The following NRG3 variants were observed in gnomAD, a reference collection of about 807,000 sequenced individuals.
NRG3 encodes pro-neuregulin-3, membrane-bound isoform.
A neutral mutation model predicts 66.9 loss-of-function variants in NRG3; 31 were observed. That is an observed-to-expected ratio of 0.46 (90% CI 0.35 to 0.63). The LOEUF is 0.63. NRG3 is among the 20% of genes least tolerant of loss of function. NRG3 has a pLI of 0.00. For missense variants in NRG3, 910 were observed against 878.9 expected, an observed-to-expected ratio of 1.04 and a Z score of -0.45; for synonymous variants, 393 against 359.4, an observed-to-expected ratio of 1.09 and a Z score of -1.06.
chr10:82,922,712 G>A (rs141512142), intron 4 of NRG3, among the ~76,000 whole-genome samples: 7 of 152,244 alleles, frequency 4.6e-5, no homozygotes, highest in East Asian at 1.9e-4. Flanking sequence ...GACCCTGAAA[G>A]GTCTCCATAG....
At chr10:82,240,383 T>A (rs1370904537) in intron 1 of NRG3, among the ~76,000 whole-genome samples, 4 of 151,318 alleles carry the variant, frequency 2.6e-5, no homozygotes, top group Non-Finnish European at 5.9e-5. Context: ...ACATATAAAA[T>A]GCATGTTTTA....
At chr10:82,626,044 TC>T (rs758047361) in intron 2 of NRG3, among the ~76,000 whole-genome samples, 5 of 152,056 alleles carry the variant, frequency 3.3e-5, no homozygotes, top group Non-Finnish European at 7.4e-5. Flanking sequence ...TAGAGCTGAG[TC>T]TGTGATGATT....
At chr10:82,081,202 A>C (rs2065370879) in intron 1 of NRG3, among the ~76,000 whole-genome samples, 1 of 152,188 alleles carries the variant, frequency 6.6e-6, no homozygotes. Context: ...GGCTTCTGTA[A>C]ATATGAACTC....
intron 4 of NRG3, among the ~76,000 whole-genome samples, chr10:82,891,895 T>C (rs1235669800): frequency 6.6e-6 from 1 of 152,140 alleles, no homozygotes; most frequent in Non-Finnish European, 1.5e-5. Context: ...ATTATGATTT[T>C]GCTTAAGGCT....
chr10:82,423,641 T>A (rs1272547722), intron 2 of NRG3, among the ~76,000 whole-genome samples: 4 of 152,028 alleles, frequency 2.6e-5, no homozygotes, highest in Non-Finnish European at 5.9e-5. Context: ...GTCTATTTTT[T>A]AAAGAGCTTT....
intron 2 of NRG3, among the ~76,000 whole-genome samples, chr10:82,405,104 G>T (rs892770743): frequency 2.0e-5 from 3 of 152,120 alleles, no homozygotes; most frequent in Non-Finnish European, 4.4e-5. Context: ...GATGGTGTGT[G>T]GTTGAGGACA....
intron 3 of NRG3, among the ~76,000 whole-genome samples, chr10:82,764,731 T>C: frequency 6.6e-6 from 1 of 152,124 alleles, no homozygotes; most frequent in East Asian, 1.9e-4. Flanking sequence ...TTTCTTTTTG[T>C]AAAAGCAGTG....
chr10:82,545,881 G>A (rs1404867979), intron 2 of NRG3, among the ~76,000 whole-genome samples: 2 of 145,376 alleles, frequency 1.4e-5, no homozygotes, highest in Non-Finnish European at 3.0e-5. Flanking sequence ...TCCTCCTCCC[G>A]GGTTCACGCC....
intron 2 of NRG3, among the ~76,000 whole-genome samples, chr10:82,478,144 C>G (rs2132118208): frequency 6.6e-6 from 1 of 151,768 alleles, no homozygotes; most frequent in African/African-American, 2.4e-5. Flanking sequence ...ACAAGAACCT[C>G]TGTTAACTGG....
At chr10:82,756,667 T>C (rs1358784786) in intron 3 of NRG3, among the ~76,000 whole-genome samples, 3 of 152,098 alleles carry the variant, frequency 2.0e-5, no homozygotes, top group Non-Finnish European at 4.4e-5. Flanking sequence ...TACTACTTAA[T>C]TTAAAAGTGG....
intron 3 of NRG3, among the ~76,000 whole-genome samples, chr10:82,742,189 C>A (rs1016233336): frequency 6.6e-6 from 1 of 152,064 alleles, no homozygotes; most frequent in African/African-American, 2.4e-5. Flanking sequence ...GAAACCGCTG[C>A]TCTTTTATTC....
chr10:82,912,293 G>A (rs1264152333), intron 4 of NRG3, among the ~76,000 whole-genome samples: 1 of 152,132 alleles, frequency 6.6e-6, no homozygotes. Context: ...TCCCCTTGTA[G>A]TTCTTCTAGT....
At chr10:82,950,992 A>C (rs983176162) in intron 4 of NRG3, among the ~76,000 whole-genome samples, 5 of 149,300 alleles carry the variant, frequency 3.3e-5, no homozygotes, top group African/African-American at 1.2e-4. Context: ...GATGTCAATC[A>C]TAGTGATAGT....
At chr10:82,524,230 TA>T (rs1846470052) in intron 2 of NRG3, among the ~76,000 whole-genome samples, 1 of 151,924 alleles carries the variant, frequency 6.6e-6, no homozygotes, top group African/African-American at 2.4e-5. Context: ...TCAGAATGAA[TA>T]AAACAAAAAA....
chr10:82,675,974 C>T (rs562984977), intron 2 of NRG3, among the ~76,000 whole-genome samples: 5 of 152,138 alleles, frequency 3.3e-5, no homozygotes, highest in South Asian at 2.1e-4. Flanking sequence ...AATATTCACA[C>T]GATGTTTCTG....
At chr10:82,182,685 A>G (rs982466967) in intron 1 of NRG3, among the ~76,000 whole-genome samples, 1 of 151,896 alleles carries the variant, frequency 6.6e-6, no homozygotes, top group African/African-American at 2.4e-5. Flanking sequence ...TTACAGTATT[A>G]TAGTATTGTA....
At chr10:82,178,381 GTTA>G (rs2073184759) in intron 1 of NRG3, among the ~76,000 whole-genome samples, 1 of 152,046 alleles carries the variant, frequency 6.6e-6, no homozygotes, top group East Asian at 1.9e-4. Context: ...CAACTGCTCG[GTTA>G]GCCCTTTGCC....
chr10:82,003,628 A>G (rs946527553), intron 1 of NRG3, among the ~76,000 whole-genome samples: 10 of 152,170 alleles, frequency 6.6e-5, no homozygotes, highest in Non-Finnish European at 4.4e-5. Context: ...GTCGAGAAGG[A>G]TGCTTGGAAT....
At chr10:82,129,550 A>G (rs780138324) in intron 1 of NRG3, among the ~76,000 whole-genome samples, 1 of 152,074 alleles carries the variant, frequency 6.6e-6, no homozygotes, top group East Asian at 1.9e-4. Context: ...TCTTTGTTTT[A>G]TGAACATTTC....
Sources: gnomAD v4.1 joint callset for allele counts (sites outside exome capture counted in the v4.1 genomes callset) on GRCh38, gnomAD v4.1.1 for gene constraint, MANE v1.5 for transcripts, NCBI Gene and HGNC (gene_info 2026-07-23, HGNC 2026-07-21) for gene names.